Variants in PTPRM observed in about 807,000 individuals in gnomAD.
PTPRM encodes receptor-type tyrosine-protein phosphatase mu.
Under a neutral mutation model 186.7 loss-of-function variants are expected in PTPRM, and 47 were observed. That is an observed-to-expected ratio of 0.25 (90% confidence interval 0.20 to 0.32). The LOEUF is 0.32. PTPRM is among the 10% of genes least tolerant of loss of function. PTPRM has a pLI of 1.00. For missense variants in PTPRM, 1,494 were observed against 1,865.0 expected (o/e 0.80, Z 3.66); for synonymous variants, 668 against 674.9 (o/e 0.99, Z 0.16).
intron 7 of PTPRM, among the ~76,000 whole-genome samples, chr18:7,994,295 CACCT>C (rs1454587045): frequency 9.2e-4 from 130 of 141,514 alleles, no homozygotes; most frequent in African/African-American, 3.3e-3. Flanking sequence ...CACACACACA[CACCT>C]AACACTGGTG....
intron 14 of PTPRM, among the ~76,000 whole-genome samples, chr18:8,243,040 T>C (rs1169590901): frequency 2.0e-5 from 3 of 152,254 alleles, no homozygotes; most frequent in African/African-American, 7.2e-5. Context: ...TACCTTCTCC[T>C]TAGGCATCTC....
intron 7 of PTPRM, among the ~76,000 whole-genome samples, chr18:7,993,863 A>T (rs939950494): frequency 6.6e-6 from 1 of 152,162 alleles, no homozygotes; most frequent in Admixed American, 6.6e-5. Flanking sequence ...GAAAGCTACC[A>T]AATCTCAAAG....
chr18:7,772,345 CTTTCTCTT>C (rs1475861123), intron 1 of PTPRM, among the ~76,000 whole-genome samples: 24 of 116,586 alleles, frequency 2.1e-4, no homozygotes, highest in African/African-American at 2.8e-4. Flanking sequence ...TTCTTTCTTT[CTTTCTCTT>C]TCTTTCTTTC....
At chr18:8,143,903 G>T in intron 14 of PTPRM, 124 bp downstream of exon 14, 1 of 1,235,202 alleles carries the variant, frequency 8.1e-7, no homozygotes, top group Non-Finnish European at 1.1e-6. Flanking sequence ...GTGACTCTGT[G>T]ATTGTTAACA....
At chr18:8,234,289 T>C (rs1324454022) in intron 14 of PTPRM, among the ~76,000 whole-genome samples, 1 of 152,184 alleles carries the variant, frequency 6.6e-6, no homozygotes, top group African/African-American at 2.4e-5. Context: ...TCCTCTATAC[T>C]TTTTGTACGT....
At chr18:7,915,789 A>C (rs1486865546) in intron 4 of PTPRM, among the ~76,000 whole-genome samples, 1 of 152,228 alleles carries the variant, frequency 6.6e-6, no homozygotes, top group Non-Finnish European at 1.5e-5. Flanking sequence ...CAAATCTTAA[A>C]ATAGTATCAG....
chr18:7,718,400 T>TA (rs1481394274), intron 1 of PTPRM, among the ~76,000 whole-genome samples: 1 of 152,078 alleles, frequency 6.6e-6, no homozygotes, highest in African/African-American at 2.4e-5. Flanking sequence ...TCACCTTATT[T>TA]AAAAATCAAC....
intron 14 of PTPRM, among the ~76,000 whole-genome samples, chr18:8,148,548 T>C (rs529356500): frequency 9.8e-5 from 15 of 152,294 alleles, no homozygotes; most frequent in African/African-American, 3.4e-4. Flanking sequence ...CTTTTCTTCG[T>C]TATTAGTCTG....
chr18:7,704,818 GAA>G (rs1334098220), intron 1 of PTPRM, among the ~76,000 whole-genome samples: 2 of 152,238 alleles, frequency 1.3e-5, no homozygotes, highest in African/African-American at 4.8e-5. Flanking sequence ...GTGAAACTGA[GAA>G]AGATTGAAAA....
chr18:8,153,857 TG>T (rs2093064253), intron 14 of PTPRM, among the ~76,000 whole-genome samples: 1 of 152,214 alleles, frequency 6.6e-6, no homozygotes, highest in African/African-American at 2.4e-5. Context: ...GTATTTTAAC[TG>T]ACTTTGTGAT....
intron 3 of PTPRM, among the ~76,000 whole-genome samples, chr18:7,900,279 A>T (rs958237092): frequency 1.3e-5 from 2 of 152,214 alleles, no homozygotes; most frequent in Non-Finnish European, 2.9e-5. Flanking sequence ...TGGACATTGA[A>T]ATCTGAATTT....
chr18:8,088,843 A>G lies in PTPRM; in HGVS notation c.1848A>G (p.Ala616=). The G allele has an allele frequency of 6.2e-7, 1 of 1,606,962 alleles. No homozygotes were observed. The highest frequency in any genetic ancestry group is 8.5e-7 in the Non-Finnish European group (1 of 1,173,826). Residue 616 remains alanine (A), a synonymous_variant, in exon 11 of 33, where the codon GCA becomes GCG. Coordinates refer to ENST00000580170, the MANE Select transcript of PTPRM (RefSeq NM_001105244.2). ...TGAAACCTGCCCACAGCAGAGGAGC[A>G]CCTGTCAGGTATGGAACAGAGGGTT... ...VMLKPAHSRG[A]PVSVYQIVVE... is the part of the protein sequence containing the mutation.
chr18:7,574,943 A>T (rs2143397596), intron 1 of PTPRM, among the ~76,000 whole-genome samples: 1 of 152,274 alleles, frequency 6.6e-6, no homozygotes, highest in Non-Finnish European at 1.5e-5. Flanking sequence ...GAGGCAGGAG[A>T]ATGGCGTGAA....
intron 14 of PTPRM, among the ~76,000 whole-genome samples, chr18:8,206,955 G>A (rs956122306): frequency 3.9e-5 from 6 of 152,134 alleles, no homozygotes; most frequent in East Asian, 1.9e-4. Flanking sequence ...CCACAACCCA[G>A]GGAACATCTG....
chr18:7,766,211 G>A (rs76430879), intron 1 of PTPRM, among the ~76,000 whole-genome samples: 2,788 of 152,240 alleles, frequency 0.018, 18 homozygotes, highest in Non-Finnish European at 0.025. Flanking sequence ...GAGATTATTT[G>A]ACCCTTCTAA....
chr18:8,307,529 C>T (rs1165790709), intron 20 of PTPRM, among the ~76,000 whole-genome samples: 3 of 152,148 alleles, frequency 2.0e-5, no homozygotes, highest in East Asian at 3.8e-4. Flanking sequence ...AGAGGCCAGG[C>T]GCGGTGGCTC....
chr18:7,785,455 G>A (rs543424999), intron 2 of PTPRM, among the ~76,000 whole-genome samples: 1 of 152,158 alleles, frequency 6.6e-6, no homozygotes, highest in Admixed American at 6.5e-5. Flanking sequence ...GAGAGAGAGA[G>A]CGCGCATGTG....
At chr18:7,575,662 C>T in intron 1 of PTPRM, among the ~76,000 whole-genome samples, 1 of 152,128 alleles carries the variant, frequency 6.6e-6, no homozygotes, top group East Asian at 1.9e-4. Flanking sequence ...TTCATGTTAA[C>T]CTTTGGGGCC....
Position 7,955,397 on chromosome 18 carries a change from C to T in PTPRM, c.1115C>T (p.Thr372Ile), listed in dbSNP as rs1189020159. ...GGCTCTCCTGGTCCAGCTCTCAGGA[C>T]AAGAACAAAGTGTGCTGGTGAGTAT... ...GTGSPGPALR[T>I]RTKCADPMRG... Residue 372 changes from threonine to isoleucine, a missense_variant, in exon 7 of 33, where the codon ACA becomes ATA. Physicochemically the swap from Thr to Ile is moderately conservative, Grantham distance 89. This residue lies in a region of PTPRM where 91 missense variants were observed against 169.3 expected (regional missense o/e 0.54). Coordinates refer to ENST00000580170, the MANE Select transcript of PTPRM (RefSeq NM_001105244.2). 6.2e-7 allele frequency: 1 copy of T among 1,613,488 alleles called. No individual in the cohort carries two copies. The highest frequency in any genetic ancestry group is 1.7e-5 in the Admixed American group (1 of 60,012).
Sources: allele counts gnomAD v4.1 joint callset (sites outside exome capture counted in the v4.1 genomes callset), GRCh38; gene constraint gnomAD v4.1.1; regional missense constraint gnomAD v4.1.1; transcripts MANE v1.5; gene names NCBI Gene and HGNC (gene_info 2026-07-23, HGNC 2026-07-21).